Variants in HECW1 observed in about 807,000 individuals in gnomAD.
HECW1 encodes E3 ubiquitin-protein ligase HECW1.
In HECW1, 61 loss-of-function variants were observed where a neutral mutation model predicts 182.3. The observed-to-expected ratio is 0.33, with a 90% CI of 0.27 to 0.41. The LOEUF (loss-of-function observed/expected upper bound fraction) is 0.41, where lower values mean the gene tolerates loss of function less well. Ranked by LOEUF, HECW1 falls within the 10% of genes least tolerant of loss-of-function variation. HECW1 has a pLI of 1.00. For synonymous variants in HECW1, 859 were observed against 832.6 expected (o/e 1.03, Z -0.55); for missense variants, 1,739 against 2,108.9 (o/e 0.82, Z 3.44).
chr7:43,419,954 G>A (rs2076129404), intron 8 of HECW1, among the ~76,000 whole-genome samples: 1 of 152,188 alleles, frequency 6.6e-6, no homozygotes, highest in African/African-American at 2.4e-5. Context: ...CGATTGGCTA[G>A]CAACTTAGAA....
intron 16 of HECW1, among the ~76,000 whole-genome samples, chr7:43,470,175 G>A (rs958970493): frequency 1.3e-5 from 2 of 152,186 alleles, no homozygotes; most frequent in African/African-American, 4.8e-5. Flanking sequence ...TTGACTGGAC[G>A]TGGCCTCTGT....
rs1294680428 is a variant in HECW1, at chr7:43,442,571, A to C, written c.987A>C (p.Thr329=). The change falls in exon 10 of 30, where the codon ACA becomes ACC. Residue 329 remains threonine (T), a synonymous_variant. Coordinates refer to ENST00000395891, the MANE Select transcript of HECW1 (RefSeq NM_015052.5). ...VSYTLGRRLP[T]DHVSGQLQFR... is the part of the protein sequence containing the mutation. ...ACACACTTGGCCGCAGGCTTCCAAC[A>C]GATCATGTGAGTGGACAGCTGCAAT... 7 of 1,614,034 alleles carry C rather than the reference A, an allele frequency of 4.3e-6. No individual in the cohort carries two copies. Among genetic ancestry groups the C allele is most frequent in the Non-Finnish European group, 5.9e-6 (7 of 1,179,932 alleles).
intron 3 of HECW1, among the ~76,000 whole-genome samples, chr7:43,292,679 T>A (rs1007858939): frequency 6.6e-5 from 10 of 152,156 alleles, no homozygotes; most frequent in African/African-American, 2.4e-4. Context: ...GTGACATACC[T>A]CTTCCATTCA....
chr7:43,322,631 A>C (rs1311854753), intron 5 of HECW1, among the ~76,000 whole-genome samples: 1 of 152,168 alleles, frequency 6.6e-6, no homozygotes, highest in Non-Finnish European at 1.5e-5. Flanking sequence ...AAATAGCATC[A>C]TTCAGCATAG....
chr7:43,317,804 CATT>C (rs1809521770), intron 4 of HECW1, among the ~76,000 whole-genome samples: 6 of 137,208 alleles, frequency 4.4e-5, no homozygotes, highest in Admixed American at 4.3e-4. Context: ...ACTTTTTTCT[CATT>C]ATTGTGTGTG....
chr7:43,393,810 G>A (rs1337744420), intron 6 of HECW1, among the ~76,000 whole-genome samples: 1 of 151,946 alleles, frequency 6.6e-6, no homozygotes, highest in Non-Finnish European at 1.5e-5. Context: ...AAAAAGGAAG[G>A]AATAAATGTA....
At chr7:43,228,747 C>T (rs868242454) in intron 2 of HECW1, among the ~76,000 whole-genome samples, 39 of 152,080 alleles carry the variant, frequency 2.6e-4, no homozygotes, top group Admixed American at 8.5e-4. Context: ...AAACAATCTA[C>T]GTGTCCAAAA....
chr7:43,469,140 C>T (rs2077910679), intron 16 of HECW1, 35 bp downstream of exon 16: 5 of 1,597,474 alleles, frequency 3.1e-6, no homozygotes, highest in East Asian at 2.2e-5. Context: ...TTTCATCAAA[C>T]AGGCTCCTTC....
intron 5 of HECW1, among the ~76,000 whole-genome samples, chr7:43,350,023 G>C (rs1461628934): frequency 6.6e-6 from 1 of 152,142 alleles, no homozygotes; most frequent in Admixed American, 6.5e-5. Context: ...TCAAGATTTA[G>C]AGCTCCTTTT....
chr7:43,345,151 G>A (rs1045458106), intron 5 of HECW1, among the ~76,000 whole-genome samples: 9 of 152,120 alleles, frequency 5.9e-5, no homozygotes, highest in African/African-American at 1.9e-4. Flanking sequence ...TATTTAATGG[G>A]TTATAGCAGG....
chr7:43,512,695 C>T (rs1312449182), intron 24 of HECW1, among the ~76,000 whole-genome samples: 1 of 152,098 alleles, frequency 6.6e-6, no homozygotes, highest in Non-Finnish European at 1.5e-5. Context: ...CATTTAATAC[C>T]GATTGGTTTG....
At chr7:43,182,284 T>C (rs2152677197) in intron 2 of HECW1, among the ~76,000 whole-genome samples, 1 of 152,366 alleles carries the variant, frequency 6.6e-6, no homozygotes, top group East Asian at 1.9e-4. Flanking sequence ...TCATAGTTTC[T>C]GGTCTTATAT....
At chr7:43,264,336 A>G (rs1160896412) in intron 3 of HECW1, among the ~76,000 whole-genome samples, 4 of 152,112 alleles carry the variant, frequency 2.6e-5, no homozygotes, top group Non-Finnish European at 5.9e-5. Context: ...ATCATGCAGC[A>G]TATGTCTTTC....
chr7:43,302,950 T>TGCACGCGCACACACAC (rs1807034676), intron 3 of HECW1, among the ~76,000 whole-genome samples: 2 of 151,594 alleles, frequency 1.3e-5, no homozygotes, highest in African/African-American at 4.9e-5. Flanking sequence ...CACACACACA[T>TGCACGCGCACACACAC]GCGCGCACAC....
intron 2 of HECW1, among the ~76,000 whole-genome samples, chr7:43,130,764 A>T (rs73097357): frequency 0.016 from 2,503 of 152,324 alleles, 49 homozygotes; most frequent in African/African-American, 0.043. Flanking sequence ...CATGAGGTCC[A>T]TTGTGGAATT....
chr7:43,468,563 C>T (rs533592431), intron 15 of HECW1, among the ~76,000 whole-genome samples: 1 of 151,704 alleles, frequency 6.6e-6, no homozygotes, highest in Non-Finnish European at 1.5e-5. Context: ...GCTCTGTTGT[C>T]CAGGCTGGAG....
chr7:43,508,170 G>T, intron 23 of HECW1, 39 bp downstream of exon 23: 1 of 1,422,782 alleles, frequency 7.0e-7, no homozygotes, highest in South Asian at 1.2e-5. Context: ...CCTAAGCAAG[G>T]GTGGGCCAGA....
intron 4 of HECW1, among the ~76,000 whole-genome samples, chr7:43,320,055 C>T (rs553010302): frequency 6.6e-6 from 1 of 152,282 alleles, no homozygotes; most frequent in East Asian, 1.9e-4. Context: ...CCTGCACCTT[C>T]CCCAGCATCT....
At chr7:43,419,571 A>C (rs1445631309) in intron 8 of HECW1, among the ~76,000 whole-genome samples, 1 of 152,190 alleles carries the variant, frequency 6.6e-6, no homozygotes, top group Non-Finnish European at 1.5e-5. Context: ...AAATAAATTA[A>C]TGTAAGCCAC....
Sources: gnomAD v4.1 joint callset for allele counts (sites outside exome capture counted in the v4.1 genomes callset) on GRCh38, gnomAD v4.1.1 for gene constraint, MANE v1.5 for transcripts, NCBI Gene and HGNC (gene_info 2026-07-23, HGNC 2026-07-21) for gene names.